GNL3L: variants seen among roughly 807,000 people sequenced by gnomAD.
GNL3L encodes guanine nucleotide-binding protein-like 3-like protein.
A neutral mutation model predicts 42.9 loss-of-function variants in GNL3L; 4 were observed. That is an observed-to-expected ratio of 0.09 (90% CI 0.05 to 0.21). GNL3L has a LOEUF of 0.21. Among genes scored for constraint, GNL3L ranks in the 10% least tolerant of loss-of-function variants. The pLI, the probability that GNL3L is intolerant of heterozygous loss-of-function variation, is 1.00. For missense variants in GNL3L, 412 were observed against 481.7 expected (o/e 0.86, Z 1.36); for synonymous variants, 159 against 176.3 (o/e 0.90, Z 0.78).
chrX:54,619,327 G>C (rs1438985974), intron 16 of GNL3L, among the ~76,000 whole-genome samples: 1 of 110,844 alleles, frequency 9.0e-6, no homozygotes, highest in Non-Finnish European at 1.9e-5. Context: ...TGTTTAACAC[G>C]ACATGGAAAG....
the GNL3L span, among the ~76,000 whole-genome samples, chrX:54,640,882 A>T: frequency 8.9e-6 from 1 of 111,902 alleles, no homozygotes; most frequent in African/African-American, 3.3e-5. Context: ...GGCAAGGCAA[A>T]CACACACCAA....
intron 16 of GNL3L, among the ~76,000 whole-genome samples, chrX:54,612,151 C>T (rs1602008338): frequency 8.9e-6 from 1 of 112,002 alleles, no homozygotes; most frequent in East Asian, 2.8e-4. Context: ...TCCTGTTGGA[C>T]AAGGCCTTTT....
In GNL3L at chrX:54,560,612, C is replaced by T. The variant is rs1245732017; in HGVS notation, c.*10C>T. The T allele has an allele frequency of 9.9e-7, 1 of 1,014,608 alleles. No homozygotes were observed. The highest frequency in any genetic ancestry group is 2.2e-5 in the Admixed American group (1 of 45,764). The allele number at this position is 1,014,608 out of a possible 1,213,427, so 83.6% of individuals were successfully genotyped here. On this transcript the variant is annotated 3_prime_UTR_variant, in exon 16 of 16. Coordinates refer to ENST00000360845, the MANE Select transcript of GNL3L (RefSeq NM_001184819.2). ...TGGTGTTGGTGACTAATCGACTGAT[C>T]TCACTTCCCTTCCGCTCCAAGCACC...
chrX:54,642,263 T>A, the GNL3L span, among the ~76,000 whole-genome samples: 1 of 112,302 alleles, frequency 8.9e-6, no homozygotes, highest in Non-Finnish European at 1.9e-5. Flanking sequence ...GTGATGGAGC[T>A]GGTCTGTCAG....
intron 10 of GNL3L, 29 bp downstream of exon 10, chrX:54,551,079 C>T (rs1924922769): frequency 1.7e-5 from 13 of 774,666 alleles, no homozygotes; most frequent in Non-Finnish European, 2.4e-5. Flanking sequence ...CTCCACTCCA[C>T]AATTCCTTGA....
Position 54,548,897 on chromosome X carries a change from G to C in GNL3L, c.775+524G>C, listed in dbSNP as rs748797150. ...GAGAAGGTATAGGTATGCATACCAG[G>C]ATAGATACAGAAGAAGACACAGAGA... is the stretch of plus-strand genomic sequence containing the variant. On this transcript the variant is annotated intron_variant, in intron 9 of 15. Transcript: ENST00000360845. Among the ~76,000 whole-genome samples, 3 of 111,574 alleles carry C rather than the reference G, an allele frequency of 2.7e-5. No homozygotes were observed. The South Asian group carries it at 1.1e-3, about 43-fold the overall frequency.
chrX:54,570,829 C>T (rs900548980), downstream of GNL3L, among the ~76,000 whole-genome samples: 1 of 111,322 alleles, frequency 9.0e-6, no homozygotes, highest in Non-Finnish European at 1.9e-5. Context: ...CCTTAAAATA[C>T]ATTGTTGTTA....
At chrX:54,577,536 A>G (rs1292820611) in intron 16 of GNL3L, among the ~76,000 whole-genome samples, 1 of 111,446 alleles carries the variant, frequency 9.0e-6, no homozygotes, top group African/African-American at 3.3e-5. Context: ...TCATATTATA[A>G]CTGCAAATTT....
In GNL3L at chrX:54,617,527, C is replaced by G. The variant is rs759695077; in HGVS notation, c.*46-3318C>G. On this transcript the variant is annotated intron_variant, in intron 16 of 16. Transcript: ENST00000674498. ...TTATCTCTGTTGACAATTTTCCCCC[C>G]GCTAGAAACTTACTCTGGCTTTCAG... 3.6e-5 allele frequency among the ~76,000 whole-genome samples: 4 copies of G among 111,996 alleles called. No individual in the cohort carries two copies. The East Asian group carries it at 1.1e-3, about 31-fold the overall frequency.
rs766901512 is a variant in GNL3L, at chrX:54,539,115, G to T, written c.81+14G>T. The T allele has an allele frequency of 1.0e-6, 1 of 999,601 alleles. No individual in the cohort carries two copies. Among genetic ancestry groups the T allele is most frequent in the Admixed American group, 2.5e-5 (1 of 40,294 alleles). The allele number at this position is 999,601 out of a possible 1,213,427, so 82.4% of individuals were successfully genotyped here. ...CCCTACCCTCAGGTAAGGTATGCCT[G>T]TTGTTGAGGGTAAGGTCAAGAACAG... On this transcript the variant is annotated intron_variant, in intron 3 of 15. Coordinates refer to ENST00000360845, the MANE Select transcript of GNL3L (RefSeq NM_001184819.2).
intron 16 of GNL3L, among the ~76,000 whole-genome samples, chrX:54,607,002 T>TTC (rs1306571700): frequency 9.8e-5 from 2 of 20,471 alleles, no homozygotes; most frequent in Admixed American, 5.4e-4. Flanking sequence ...TTTCCTTTCT[T>TTC]TCTTTCTTTC....
rs977537458 is a variant in GNL3L at position 54,566,443 on chromosome X, AC to A, written c.*5843del. ...GGCAGAATGATTTATATTATGCATA[AC>A]CAAAACTGTACTTATTAAACAATAA... On this transcript the variant is annotated 3_prime_UTR_variant, in exon 16 of 16. Transcript: ENST00000360845. 2.7e-5 allele frequency among the ~76,000 whole-genome samples: 3 copies of A among 111,747 alleles called. No homozygotes were observed. Among genetic ancestry groups the A allele is most frequent in the African/African-American group, 9.8e-5 (3 of 30,711 alleles).
intron 16 of GNL3L, among the ~76,000 whole-genome samples, chrX:54,614,236 C>A (rs1344082494): frequency 9.0e-6 from 1 of 111,096 alleles, no homozygotes; most frequent in African/African-American, 3.3e-5. Flanking sequence ...TCACCCAGCT[C>A]CCAGCAAACG....
At chrX:54,549,916 A>G (rs5960312) in intron 9 of GNL3L, among the ~76,000 whole-genome samples, 14,237 of 110,126 alleles carry the variant, frequency 0.13, 1,407 homozygotes, top group African/African-American at 0.34. Context: ...ACACCGTGAG[A>G]CACATACAGA....
At chrX:54,545,672 A>AT (rs961417517) in intron 8 of GNL3L, among the ~76,000 whole-genome samples, 3 of 111,059 alleles carry the variant, frequency 2.7e-5, no homozygotes, top group Non-Finnish European at 5.7e-5. Flanking sequence ...ACTAAGGGAC[A>AT]TTTTTTTTCA....
chrX:54,550,204 C>T (rs899236389), intron 9 of GNL3L, among the ~76,000 whole-genome samples: 1 of 84,792 alleles, frequency 1.2e-5, no homozygotes, highest in Non-Finnish European at 2.2e-5. Context: ...ATGGGAATGA[C>T]CGAGAGAGAG....
Position 54,560,662 on chromosome X carries a change from C to T in GNL3L, c.*60C>T. Reference sequence around the variant, plus strand: ...CAGTTCCGGTGGTACGGGGGAATACCAGTGAAATAGTTTGGTTCTCCCTGA... The same window carrying T: ...CAGTTCCGGTGGTACGGGGGAATACTAGTGAAATAGTTTGGTTCTCCCTGA... On this transcript the variant is annotated 3_prime_UTR_variant, in exon 16 of 16. Transcript: ENST00000360845. The T allele has an allele frequency of 1.4e-6, 1 of 690,947 alleles. No individual in the cohort carries two copies. The highest frequency in any genetic ancestry group is 2.3e-6 in the Non-Finnish European group (1 of 425,673). 56.9% of individuals were successfully genotyped at this position (690,947 alleles called of 1,213,427 possible). A position where few individuals can be genotyped will look rare whatever the true frequency, so the allele number is the denominator to read the frequency against.
the GNL3L span, among the ~76,000 whole-genome samples, chrX:54,644,013 C>T: frequency 8.0e-5 from 9 of 111,975 alleles, no homozygotes; most frequent in East Asian, 2.2e-3. Flanking sequence ...TCAATTCATC[C>T]GTTGATGGAC....
rs759018784 is a variant in GNL3L, at chrX:54,558,428, C to T, written c.1447-8C>T. 8.6e-7 allele frequency: 1 copy of T among 1,158,015 alleles called. No individual in the cohort carries two copies. Among genetic ancestry groups the T allele is most frequent in the Admixed American group, 2.2e-5 (1 of 45,890 alleles). ...GACCTCATCGTTATGTTTTCTGTCT[C>T]TTCCTAGATTGGAGATCTCACTGGG... On this transcript the variant is annotated splice_polypyrimidine_tract_variant and splice_region_variant and intron_variant, in intron 14 of 15. Coordinates refer to ENST00000360845, the MANE Select transcript of GNL3L (RefSeq NM_001184819.2).
Sources: allele counts gnomAD v4.1 joint callset (sites outside exome capture counted in the v4.1 genomes callset), GRCh38; gene constraint gnomAD v4.1.1; transcripts MANE v1.5; gene names NCBI Gene and HGNC (gene_info 2026-07-23, HGNC 2026-07-21).